LAMC3: variants seen among roughly 807,000 people sequenced by gnomAD.
LAMC3 encodes laminin subunit gamma-3.
Under a neutral mutation model 173.8 loss-of-function variants are expected in LAMC3, and 128 were observed. The ratio of observed to expected loss-of-function variants is 0.74; its 90% CI spans 0.64 to 0.85. LAMC3 has a LOEUF of 0.85. Among genes scored for constraint, LAMC3 ranks in the 40% least tolerant of loss-of-function variants. LAMC3 has a pLI of 0.00. For missense variants in LAMC3, 2,022 were observed against 2,156.0 expected (o/e 0.94, Z 1.23); for synonymous variants, 897 against 909.1 (o/e 0.99, Z 0.24).
At chr9:131,023,589 T>C (rs1032248955) in intron 1 of LAMC3, among the ~76,000 whole-genome samples, 10 of 152,212 alleles carry the variant, frequency 6.6e-5, no homozygotes, top group African/African-American at 9.7e-5. Flanking sequence ...CAGAAATGTC[T>C]ATTCAAAACC....
At chr9:131,014,615 C>A (rs1292308606) in intron 1 of LAMC3, among the ~76,000 whole-genome samples, 1 of 152,222 alleles carries the variant, frequency 6.6e-6, no homozygotes, top group Non-Finnish European at 1.5e-5. Flanking sequence ...AGTGCCCAGC[C>A]TGCATTTGCC....
chr9:131,089,436 G>A (rs998074376), intron 27 of LAMC3, among the ~76,000 whole-genome samples: 1 of 151,980 alleles, frequency 6.6e-6, no homozygotes, highest in African/African-American at 2.4e-5. Context: ...GGAGTGCAGT[G>A]GTGCAGTCGT....
chr9:131,091,133 C>T lies in LAMC3; in HGVS notation c.4478-404C>T, dbSNP rs187409455. ...GATTGCCCACATCCAGGCCCACAGG[C>T]GGCATCTGTAAACGTGTGCTGTCAG... On this transcript the variant is annotated intron_variant, in intron 27 of 27. Transcript: ENST00000361069. 3.3e-5 allele frequency among the ~76,000 whole-genome samples: 5 copies of T among 152,354 alleles called. No individual in the cohort carries two copies. The East Asian group carries it at 5.8e-4, about 18-fold the overall frequency.
chr9:131,065,879 G>A lies in LAMC3; in HGVS notation c.2348-1081G>A, dbSNP rs534478743. On this transcript the variant is annotated intron_variant, in intron 13 of 27. Coordinates refer to ENST00000361069, the MANE Select transcript of LAMC3 (RefSeq NM_006059.4). ...AGGAAGGTGATGATGAGAAGGATGAGGTTAGTGGTCAAGATGATGATGAAG... is the reference window on the plus strand; with the variant it reads ...AGGAAGGTGATGATGAGAAGGATGAAGTTAGTGGTCAAGATGATGATGAAG... 2.8e-4 allele frequency among the ~76,000 whole-genome samples: 42 copies of A among 151,650 alleles called. 1 individual carries two copies. The South Asian group carries it at 8.2e-3, about 29-fold the overall frequency.
At chr9:131,034,050 T>C (rs577275168) in intron 3 of LAMC3, among the ~76,000 whole-genome samples, 1 of 152,232 alleles carries the variant, frequency 6.6e-6, no homozygotes, top group East Asian at 1.9e-4. Flanking sequence ...GGCCATGAGC[T>C]CCAGTGCCTC....
At chr9:131,072,569 T>G in intron 18 of LAMC3, 61 bp from the exon 19 acceptor site, 1 of 1,427,456 alleles carries the variant, frequency 7.0e-7, no homozygotes, top group South Asian at 1.2e-5. Flanking sequence ...CCCCTGGGGG[T>G]GGGGGCTTTT....
Position 131,049,045 on chromosome 9 carries a change from T to C in LAMC3, c.1545T>C (p.Ser515=). ...GAGCCGAAGGCTGGTGGGCCAGAAGTGTGGGGGGCTCTGAGCACCCCCCAC... is the reference window on the plus strand; with the variant it reads ...GAGCCGAAGGCTGGTGGGCCAGAAGCGTGGGGGGCTCTGAGCACCCCCCAC... The part of the protein sequence containing the change: ...HQGAEGWWAR[S]VGGSEHPPQW... The change falls in exon 9 of 28, where the codon AGT becomes AGC. Residue 515 remains serine (S), a synonymous_variant. Transcript: ENST00000361069. 1 of 1,551,298 alleles carries C rather than the reference T, an allele frequency of 6.4e-7. No homozygotes were observed. Among genetic ancestry groups the C allele is most frequent in the Non-Finnish European group, 8.7e-7 (1 of 1,146,812 alleles).
At chr9:131,072,983 C>T in intron 19 of LAMC3, 148 bp downstream of exon 19, 2 of 806,776 alleles carry the variant, frequency 2.5e-6, no homozygotes, top group South Asian at 1.5e-5. Flanking sequence ...CACAGTGCCT[C>T]CTCCTGGATT....
chr9:131,050,061 C>T (rs886187245), intron 9 of LAMC3, among the ~76,000 whole-genome samples: 6 of 152,236 alleles, frequency 3.9e-5, no homozygotes, highest in African/African-American at 1.2e-4. Flanking sequence ...AAGTCAAAGG[C>T]GTCGGGCCCC....
rs139263044 is a variant in LAMC3, at chr9:131,053,292, C to T, written c.1939+327C>T. 1.5e-4 allele frequency among the ~76,000 whole-genome samples: 23 copies of T among 152,300 alleles called. No individual in the cohort carries two copies. In the East Asian group the frequency reaches 4.5e-3, roughly 29 times the overall value. On this transcript the variant is annotated intron_variant, in intron 11 of 27. Coordinates refer to ENST00000361069, the MANE Select transcript of LAMC3 (RefSeq NM_006059.4). ...CCACCTTCACTGGATCCACCAAGCC[C>T]CCTGTCCCCGCTGGACACAGCCCAC...
At chr9:131,025,286 T>C (rs369954981) in intron 1 of LAMC3, among the ~76,000 whole-genome samples, 4 of 152,288 alleles carry the variant, frequency 2.6e-5, no homozygotes, top group East Asian at 3.9e-4. Flanking sequence ...TGACATCCCA[T>C]GAGGGAAGAG....
intron 6 of LAMC3, among the ~76,000 whole-genome samples, chr9:131,040,017 T>C (rs1834019769): frequency 7.1e-6 from 1 of 141,780 alleles, no homozygotes; most frequent in Non-Finnish European, 1.5e-5. Context: ...TTTAGAAGCT[T>C]TTTTTTTTTT....
chr9:131,083,154 CT>C (rs1189102507), intron 24 of LAMC3, among the ~76,000 whole-genome samples: 2 of 152,332 alleles, frequency 1.3e-5, no homozygotes, highest in East Asian at 3.9e-4. Context: ...AGGTCATCTG[CT>C]GCAAATCTCA....
chr9:131,054,518 C>T (rs988403448), intron 11 of LAMC3, among the ~76,000 whole-genome samples: 1 of 152,130 alleles, frequency 6.6e-6, no homozygotes, highest in Non-Finnish European at 1.5e-5. Context: ...CTTTGGGAGG[C>T]TGAGGCGGGC....
intron 1 of LAMC3, chr9:131,021,264 C>T (rs1203943590): frequency 6.6e-6 from 1 of 152,166 alleles, no homozygotes; most frequent in East Asian, 1.9e-4. Context: ...TAGTGGAAAC[C>T]TTAGCAGACA....
chr9:131,039,166 T>C lies in LAMC3; in HGVS notation c.1201T>C (p.Cys401Arg). 6.2e-7 allele frequency: 1 copy of C among 1,611,126 alleles called. No individual in the cohort carries two copies. The highest frequency in any genetic ancestry group is 8.5e-7 in the Non-Finnish European group (1 of 1,180,014). ...CCTCCAGTGCGATGACACAGGCACC[T>C]GCGCCTGCAAGCCCACGGTGACTGG... ...LHLQCDDTGT[C>R]ACKPTVTGWK... The change falls in exon 6 of 28, where the codon TGC becomes CGC. Residue 401 changes from cysteine to arginine, a missense_variant. By Grantham distance (180) the Cys-to-Arg change is radical (BLOSUM62 -3). Transcript: ENST00000361069.
intron 24 of LAMC3, among the ~76,000 whole-genome samples, chr9:131,082,746 C>G (rs1174429225): frequency 6.6e-6 from 1 of 152,234 alleles, no homozygotes; most frequent in Non-Finnish European, 1.5e-5. Flanking sequence ...CAGAGAGAAG[C>G]CCCCTCACCC....
chr9:131,079,409 G>C, intron 23 of LAMC3, 111 bp downstream of exon 23: 4 of 1,334,184 alleles, frequency 3.0e-6, no homozygotes, highest in Middle Eastern at 1.8e-4. Context: ...AAGTAGCTCT[G>C]TCCGGCCGGG....
At chr9:131,064,259 G>A (rs12335560) in intron 13 of LAMC3, among the ~76,000 whole-genome samples, 33,577 of 152,094 alleles carry the variant, frequency 0.22, 4,100 homozygotes, top group Admixed American at 0.28. Flanking sequence ...GACACAAGGA[G>A]CTCACAACTA....
Sources: allele counts gnomAD v4.1 joint callset (sites outside exome capture counted in the v4.1 genomes callset), GRCh38; gene constraint gnomAD v4.1.1; transcripts MANE v1.5; gene names NCBI Gene and HGNC (gene_info 2026-07-23, HGNC 2026-07-21).